Variants in RYR3 observed in about 807,000 individuals in gnomAD.
RYR3 encodes the protein brain ryanodine receptor-calcium release channel.
Under a neutral mutation model 584.3 loss-of-function variants are expected in RYR3, and 207 were observed. The ratio of observed to expected loss-of-function variants is 0.35; its 90% CI spans 0.32 to 0.40. RYR3 has a LOEUF of 0.40. Ranked by LOEUF, RYR3 falls within the 10% of genes least tolerant of loss-of-function variation. The pLI is 1.00. For missense variants in RYR3, 5,616 were observed against 6,089.2 expected, an observed-to-expected ratio of 0.92 and a Z score of 2.59; for synonymous variants, 2,416 against 2,248.5, an observed-to-expected ratio of 1.07 and a Z score of -2.11.
intron 89 of RYR3, among the ~76,000 whole-genome samples, chr15:33,840,135 A>T (rs953661080): frequency 2.0e-5 from 3 of 152,236 alleles, no homozygotes; most frequent in Admixed American, 2.0e-4. Context: ...AAATAGGTAG[A>T]GGAGGCTTCT....
At chr15:33,358,509 C>T (rs941227315) in intron 1 of RYR3, among the ~76,000 whole-genome samples, 2 of 152,158 alleles carry the variant, frequency 1.3e-5, no homozygotes, top group African/African-American at 4.8e-5. Context: ...CACTTTTGTA[C>T]TTCTGTGAAA....
chr15:33,467,432 G>C (rs1033328261), intron 1 of RYR3: 3 of 976,398 alleles, frequency 3.1e-6, no homozygotes, highest in Non-Finnish European at 3.7e-6. Context: ...CCAGCCATCA[G>C]CTCAGAGCCA....
intron 38 of RYR3, among the ~76,000 whole-genome samples, chr15:33,695,876 C>G (rs2065815177): frequency 1.3e-5 from 2 of 151,062 alleles, no homozygotes; most frequent in African/African-American, 4.9e-5. Context: ...CCCTCAACCT[C>G]CAAGGCTCAA....
In RYR3 at chr15:33,566,815, T is replaced by G. The variant is rs2057741935; in HGVS notation, c.1268+16T>G. 1 of 1,613,370 alleles carries G rather than the reference T, an allele frequency of 6.2e-7. No homozygotes were observed. Among genetic ancestry groups the G allele is most frequent in the African/African-American group, 1.3e-5 (1 of 74,878 alleles). On this transcript the variant is annotated intron_variant, in intron 12 of 103. Coordinates refer to ENST00000634891, the MANE Select transcript of RYR3 (RefSeq NM_001036.6). ...AGTTTGTCAGGTATGTTAGCTCCTT[T>G]CCTCCTCTACCTAGTGAGTTTGACT...
chr15:33,386,699 C>T (rs1275477090), intron 1 of RYR3, among the ~76,000 whole-genome samples: 2 of 152,198 alleles, frequency 1.3e-5, no homozygotes, highest in Non-Finnish European at 2.9e-5. Context: ...CTTCCCTCAG[C>T]TTCTGGCAAC....
At chr15:33,410,256 C>T (rs547040509) in intron 1 of RYR3, among the ~76,000 whole-genome samples, 1 of 152,282 alleles carries the variant, frequency 6.6e-6, no homozygotes, top group South Asian at 2.1e-4. Context: ...GGCATTATTG[C>T]TCCTCATGTA....
chr15:33,660,229 G>C lies in RYR3; in HGVS notation c.4428G>C (p.Arg1476Ser). 1 of 1,553,048 alleles carries C rather than the reference G, an allele frequency of 6.4e-7. No individual in the cohort carries two copies. Among genetic ancestry groups the C allele is most frequent in the South Asian group, 1.2e-5 (1 of 84,088 alleles). ...NAMPLSAAIF[R>S]SEEKNPVPQC... ...TGCCCCTGTCAGCGGCCATATTCAG[G>C]AGTGAAGAGAAGAACCCAGTCCCAC... Residue 1476 changes from arginine to serine, a missense_variant, in exon 34 of 104, where the codon AGG becomes AGC. Arg to Ser is a moderately radical substitution (Grantham distance 110). Transcript: ENST00000634891.
At position 33,581,641 on chromosome 15, in the gene RYR3, T is replaced by A; in HGVS notation, c.1571T>A (p.Leu524Gln). Reference sequence around the variant, plus strand: ...ATTCTGAACCTCCTCTACAAATTGCTGGGTAAGTACACATACAGTGCCTTC... The same window carrying A: ...ATTCTGAACCTCCTCTACAAATTGCAGGGTAAGTACACATACAGTGCCTTC... ...KEILNLLYKLLAALIRGNRNN... is the reference protein window; with the variant it reads ...KEILNLLYKLQAALIRGNRNN... The change falls in exon 14 of 104, where the codon CTG becomes CAG. Residue 524 changes from leucine (L) to glutamine (Q), a missense_variant and splice_region_variant. Around this residue, in one of 9 missense-constraint regions of RYR3, gnomAD observed 1,284 missense variants for 1,344.6 expected, o/e 0.95. Coordinates refer to ENST00000634891, the MANE Select transcript of RYR3 (RefSeq NM_001036.6). 6.2e-7 allele frequency: 1 copy of A among 1,613,584 alleles called. No individual in the cohort carries two copies. The highest frequency in any genetic ancestry group is 2.2e-5 in the East Asian group (1 of 44,864).
At chr15:33,446,474 G>C (rs2046676255) in intron 1 of RYR3, among the ~76,000 whole-genome samples, 1 of 152,182 alleles carries the variant, frequency 6.6e-6, no homozygotes. Context: ...CGAGATCAAG[G>C]TGTCAACAGA....
chr15:33,820,399 C>G (rs1467181076), intron 77 of RYR3, among the ~76,000 whole-genome samples: 1 of 152,174 alleles, frequency 6.6e-6, no homozygotes, highest in African/African-American at 2.4e-5. Context: ...TAATGCCATG[C>G]CCTTGGGGCT....
intron 1 of RYR3, among the ~76,000 whole-genome samples, chr15:33,330,218 T>C (rs1970215769): frequency 6.6e-6 from 1 of 152,234 alleles, no homozygotes. Flanking sequence ...ATCATCAGGC[T>C]ACACCTCTTT....
chr15:33,765,895 G>A (rs1404655774), intron 60 of RYR3, among the ~76,000 whole-genome samples: 1 of 152,170 alleles, frequency 6.6e-6, no homozygotes, highest in South Asian at 2.1e-4. Context: ...TGCCTGTGTA[G>A]TATGATCTCC....
intron 1 of RYR3, among the ~76,000 whole-genome samples, chr15:33,320,331 G>A (rs1968791055): frequency 6.6e-6 from 1 of 152,192 alleles, no homozygotes; most frequent in African/African-American, 2.4e-5. Flanking sequence ...TTCAGATCTT[G>A]CTAGTCTTTA....
chr15:33,676,067 G>C (rs1234455838), intron 38 of RYR3, among the ~76,000 whole-genome samples: 5 of 152,150 alleles, frequency 3.3e-5, no homozygotes, highest in Admixed American at 2.6e-4. Context: ...GGAATTAAGA[G>C]TGCTAATCAG....
intron 2 of RYR3, among the ~76,000 whole-genome samples, chr15:33,493,925 A>G (rs1318482536): frequency 8.0e-5 from 12 of 149,390 alleles, no homozygotes; most frequent in East Asian, 1.9e-4. Context: ...TCAAAATAAT[A>G]ATGATGATGA....
chr15:33,546,343 C>T (rs1038076828), intron 8 of RYR3, among the ~76,000 whole-genome samples: 1 of 152,138 alleles, frequency 6.6e-6, no homozygotes, highest in Non-Finnish European at 1.5e-5. Context: ...AGCAAATTTT[C>T]CTAAGTGGCT....
intron 41 of RYR3, 137 bp from the exon 42 acceptor site, chr15:33,700,840 A>G (rs1192186261): frequency 1.4e-5 from 8 of 574,836 alleles, no homozygotes; most frequent in Non-Finnish European, 2.5e-5. Flanking sequence ...GGACTGTCCC[A>G]TTGGAGAACG....
intron 47 of RYR3, 24 bp downstream of exon 47, chr15:33,729,050 A>T: frequency 6.2e-7 from 1 of 1,601,574 alleles, no homozygotes; most frequent in Non-Finnish European, 8.5e-7. Flanking sequence ...ATAACAAAAA[A>T]TTATTGTTCC....
intron 16 of RYR3, among the ~76,000 whole-genome samples, chr15:33,597,031 G>A (rs34955149): frequency 3.9e-5 from 6 of 152,056 alleles, no homozygotes; most frequent in Non-Finnish European, 8.8e-5. Flanking sequence ...ACTGCCTAAA[G>A]CCACCGGATT....
Sources: gnomAD v4.1 joint callset for allele counts (sites outside exome capture counted in the v4.1 genomes callset) on GRCh38, gnomAD v4.1.1 for gene constraint, gnomAD v4.1.1 regional missense constraint, MANE v1.5 for transcripts, NCBI Gene and HGNC (gene_info 2026-07-23, HGNC 2026-07-21) for gene names.